Variants in FNDC1 observed in about 807,000 individuals in gnomAD.
The protein encoded by FNDC1 is fibronectin type III domain-containing protein 1.
FNDC1 carries 96 observed loss-of-function variants against 168.0 expected under a neutral mutation model. The observed-to-expected ratio is 0.57, with a 90% CI of 0.48 to 0.68. FNDC1 has a LOEUF of 0.68. Ranked by LOEUF, FNDC1 falls within the 30% of genes least tolerant of loss-of-function variation. The pLI is 0.00. For missense variants in FNDC1, 2,587 were observed against 2,482.1 expected (o/e 1.04, Z -0.90); for synonymous variants, 1,099 against 1,025.9 (o/e 1.07, Z -1.36).
intron 19 of FNDC1, 84 bp from the exon 20 acceptor site, chr6:159,264,891 C>T: frequency 1.8e-6 from 2 of 1,093,548 alleles, no homozygotes; most frequent in Non-Finnish European, 2.6e-6. Context: ...ATTTGGTTAG[C>T]TATTTCAGTT....
chr6:159,208,161 A>G (rs1180449447), intron 4 of FNDC1, among the ~76,000 whole-genome samples: 2 of 152,064 alleles, frequency 1.3e-5, no homozygotes, highest in East Asian at 1.9e-4. Flanking sequence ...ATCCTTCCAC[A>G]CTGTGTTGGT....
chr6:159,178,010 A>G (rs1206146017), intron 1 of FNDC1, among the ~76,000 whole-genome samples: 4 of 152,208 alleles, frequency 2.6e-5, no homozygotes, highest in African/African-American at 9.7e-5. Context: ...GAATGTTGTC[A>G]GAATCAAAAT....
Position 159,225,616 on chromosome 6 carries a change from T to C in FNDC1, c.966T>C (p.Ile322=), listed in dbSNP as rs370466105. ...YKQIANRRVL[I]ENLIPDTVYE... ...AGATCGCTAACAGGCGTGTGCTGATTGAGAACCTGATTCCAGACACTGTGT... is the reference window on the plus strand; with the variant it reads ...AGATCGCTAACAGGCGTGTGCTGATCGAGAACCTGATTCCAGACACTGTGT... Residue 322 remains isoleucine (I), a synonymous_variant, in exon 8 of 23, where the codon ATT becomes ATC. Transcript: ENST00000297267. 1.9e-6 allele frequency: 3 copies of C among 1,613,798 alleles called. No individual in the cohort carries two copies. The African/African-American group carries it at 4.0e-5, about 22-fold the overall frequency.
chr6:159,232,648 C>T lies in FNDC1; in HGVS notation c.2136C>T (p.Ala712=). The part of the protein sequence containing the change: ...HSGAAEEDSS[A]SAPPSRLSPP... ...GGGCCGCAGAGGAAGATTCCAGTGC[C>T]TCAGCCCCACCCTCAAGACTTTCTC... The change falls in exon 11 of 23, where the codon GCC becomes GCT. Residue 712 remains alanine (A), a synonymous_variant. Transcript: ENST00000297267. The surrounding 1 kb of genome is among the most constrained non-coding windows in gnomAD (Gnocchi z 4.9). 1 of 1,613,068 alleles carries T rather than the reference C, an allele frequency of 6.2e-7. No individual in the cohort carries two copies. Among genetic ancestry groups the T allele is most frequent in the Non-Finnish European group, 8.5e-7 (1 of 1,179,408 alleles).
rs1447264356 is a variant in FNDC1, at chr6:159,188,449, A to ACTGCAAG, written c.110-8979_110-8973dup. 7.7e-5 allele frequency among the ~76,000 whole-genome samples: 11 copies of ACTGCAAG among 142,436 alleles called. No individual in the cohort carries two copies. The East Asian group carries it at 1.6e-3, about 21-fold the overall frequency. The allele number at this position is 142,436 out of a possible 152,430, so 93.4% of individuals were successfully genotyped here. On this transcript the variant is annotated intron_variant, in intron 1 of 22. Coordinates refer to ENST00000297267, the MANE Select transcript of FNDC1 (RefSeq NM_032532.3). ...GAGTCCAGTGGCGCAATCTTGGCTT[A>ACTGCAAG]CTGCAAGCTCCGCCTCCCGGGTTCA...
intron 19 of FNDC1, among the ~76,000 whole-genome samples, chr6:159,263,552 T>C (rs633880): frequency 0.88 from 133,636 of 152,132 alleles, 58,755 homozygotes; most frequent in East Asian, 0.99. Flanking sequence ...CACGAGGTCA[T>C]GAGATCGAGA....
intron 20 of FNDC1, among the ~76,000 whole-genome samples, chr6:159,265,598 C>A (rs1777574629): frequency 6.6e-6 from 1 of 152,098 alleles, no homozygotes; most frequent in African/African-American, 2.4e-5. Flanking sequence ...CTAAAAAACA[C>A]AAAGAAAGAG....
chr6:159,251,657 A>G, intron 17 of FNDC1, 125 bp downstream of exon 17: 2 of 759,446 alleles, frequency 2.6e-6, no homozygotes, highest in Non-Finnish European at 4.4e-6. Context: ...GGATGGATGA[A>G]TGGGATGATG....
intron 3 of FNDC1, 103 bp from the exon 4 acceptor site, chr6:159,200,410 G>T: frequency 2.2e-6 from 2 of 899,186 alleles, no homozygotes; most frequent in South Asian, 3.3e-5. Flanking sequence ...TCCTTTTGAA[G>T]ATGGTTGAAA....
At chr6:159,198,492 T>C (rs1192127747) in intron 2 of FNDC1, among the ~76,000 whole-genome samples, 1 of 152,154 alleles carries the variant, frequency 6.6e-6, no homozygotes, top group Admixed American at 6.5e-5. Context: ...AAAAGGGAGA[T>C]GAAGGAAGAC....
chr6:159,172,236 G>T (rs1315429785), intron 1 of FNDC1, among the ~76,000 whole-genome samples: 3 of 152,238 alleles, frequency 2.0e-5, no homozygotes, highest in African/African-American at 7.2e-5. Context: ...AAGCACTGGT[G>T]TGATTGTTTG....
At position 159,232,710 on chromosome 6, in the gene FNDC1, A is replaced by G. The variant is rs1443779684; in HGVS notation, c.2198A>G (p.Gln733Arg). 6.2e-7 allele frequency: 1 copy of G among 1,613,592 alleles called. No homozygotes were observed. The highest frequency in any genetic ancestry group is 8.5e-7 in the Non-Finnish European group (1 of 1,179,822). The change falls in exon 11 of 23, where the codon CAG becomes CGG. Residue 733 changes from glutamine to arginine, a missense_variant. Physicochemically the swap from Gln to Arg is conservative, Grantham distance 43. Transcript: ENST00000297267. The surrounding 1 kb of genome is among the most constrained non-coding windows in gnomAD (Gnocchi z 4.9). ...GGATCATCTCGGCTGCTGCCCACCCAGCCACACCTGAGCTCTCCACTTTCC... is the reference window on the plus strand; with the variant it reads ...GGATCATCTCGGCTGCTGCCCACCCGGCCACACCTGAGCTCTCCACTTTCC... The part of the protein sequence containing the change: ...HGGSSRLLPT[Q>R]PHLSSPLSKG...
At position 159,233,865 on chromosome 6, in the gene FNDC1, G is replaced by T. The variant is rs1321448905; in HGVS notation, c.3353G>T (p.Gly1118Val). Residue 1118 changes from glycine to valine, a missense_variant, in exon 11 of 23, where the codon GGC becomes GTC. Gly to Val is a moderately radical substitution (Grantham distance 109, BLOSUM62 -3). Transcript: ENST00000297267. This position sits in a 1 kb window ranked among gnomAD's most constrained non-coding sequence, Gnocchi z 4.6. ...CACCAGCAGGTGGAGTCTCCCACAG[G>T]CGCAGGGGCAGGTGGCGACCACAGG... ...PKHQQVESPT[G>V]AGAGGDHRSQ... is the part of the protein sequence containing the mutation. 7 of 1,547,164 alleles carry T rather than the reference G, an allele frequency of 4.5e-6. No homozygotes were observed. The highest frequency in any genetic ancestry group is 5.2e-6 in the Non-Finnish European group (6 of 1,145,286).
intron 4 of FNDC1, among the ~76,000 whole-genome samples, chr6:159,202,451 G>A (rs1448970996): frequency 6.6e-6 from 1 of 152,204 alleles, no homozygotes; most frequent in Non-Finnish European, 1.5e-5. Flanking sequence ...AACAAAAGAA[G>A]TATTCAGAAT....
intron 4 of FNDC1, among the ~76,000 whole-genome samples, chr6:159,208,557 C>G (rs548874692): frequency 4.6e-5 from 7 of 152,346 alleles, no homozygotes; most frequent in African/African-American, 1.7e-4. Context: ...CATTCGGCAG[C>G]CCAGCACAGC....
At chr6:159,207,946 G>A (rs294915) in intron 4 of FNDC1, among the ~76,000 whole-genome samples, 67,134 of 152,050 alleles carry the variant, frequency 0.44, 15,924 homozygotes, top group East Asian at 0.66. Flanking sequence ...CCATCTCTGT[G>A]TTATACTGTG....
At chr6:159,230,045 T>C in intron 10 of FNDC1, 42 bp downstream of exon 10, 8 of 1,539,438 alleles carry the variant, frequency 5.2e-6, no homozygotes, top group Non-Finnish European at 7.1e-6. Flanking sequence ...TCTCTCTTCA[T>C]TCCTGCTGTT....
rs765643728 is a variant in FNDC1 at position 159,233,147 on chromosome 6, G to C, written c.2635G>C (p.Glu879Gln). ...PKLSSGIHGDEEDEKPLPATV... is the reference protein window; with the variant it reads ...PKLSSGIHGDQEDEKPLPATV... The stretch of plus-strand genomic sequence containing the variant: ...GCTTAGCTCAGGTATCCATGGAGAC[G>C]AGGAGGATGAGAAGCCGCTTCCTGC... Residue 879 changes from glutamate to glutamine, a missense_variant, in exon 11 of 23, where the codon GAG becomes CAG. By Grantham distance (29) the Glu-to-Gln change is conservative. Coordinates refer to ENST00000297267, the MANE Select transcript of FNDC1 (RefSeq NM_032532.3). The surrounding 1 kb of genome is among the most constrained non-coding windows in gnomAD (Gnocchi z 4.6). The C allele has an allele frequency of 5.0e-6, 8 of 1,605,902 alleles. No homozygotes were observed. In the South Asian group the frequency reaches 5.6e-5, roughly 11 times the overall value.
chr6:159,271,177 C>T (rs1185251806), intron 22 of FNDC1, 150 bp from the exon 23 acceptor site: 4 of 601,884 alleles, frequency 6.6e-6, no homozygotes, highest in South Asian at 1.9e-5. Context: ...GGCAACCACA[C>T]ACAAAAATGG....
Sources: gnomAD v4.1 joint callset for allele counts (sites outside exome capture counted in the v4.1 genomes callset) on GRCh38, gnomAD v4.1.1 for gene constraint, Gnocchi (gnomAD v3.1) non-coding constraint, MANE v1.5 for transcripts, NCBI Gene and HGNC (gene_info 2026-07-23, HGNC 2026-07-21) for gene names.